Variants in GPR39 observed in about 807,000 individuals in gnomAD.
GPR39 encodes the protein zinc sensing receptor.
A neutral mutation model predicts 18.4 loss-of-function variants in GPR39; 23 were observed. The ratio of observed to expected loss-of-function variants is 1.25; its 90% confidence interval spans 0.90 to 1.77. The LOEUF is 1.77. Ranked by LOEUF, GPR39 falls within the 40% of genes most tolerant of loss-of-function variation. The pLI is 0.00. For synonymous variants in GPR39, 280 were observed against 257.9 expected, an observed-to-expected ratio of 1.09 and a Z score of -0.82; for missense variants, 647 against 602.4, an observed-to-expected ratio of 1.07 and a Z score of -0.78.
At chr2:132,577,765 A>AT (rs999005710) in intron 1 of GPR39, among the ~76,000 whole-genome samples, 43 of 151,938 alleles carry the variant, frequency 2.8e-4, no homozygotes, top group African/African-American at 8.7e-4. Flanking sequence ...CTTATTCTAG[A>AT]TTTTTTTTGG....
intron 1 of GPR39, among the ~76,000 whole-genome samples, chr2:132,542,658 G>A (rs534127666): frequency 2.0e-5 from 3 of 152,256 alleles, no homozygotes; most frequent in African/African-American, 7.2e-5. Flanking sequence ...GGCTAGCCTG[G>A]TGTCCTTTCC....
At chr2:132,459,847 C>A (rs2104776374) in intron 1 of GPR39, among the ~76,000 whole-genome samples, 1 of 152,322 alleles carries the variant, frequency 6.6e-6, no homozygotes, top group Non-Finnish European at 1.5e-5. Flanking sequence ...ATAACTTCAG[C>A]TTTTAGTTGT....
At chr2:132,564,337 C>T (rs1680309016) in intron 1 of GPR39, among the ~76,000 whole-genome samples, 1 of 152,174 alleles carries the variant, frequency 6.6e-6, no homozygotes, top group Non-Finnish European at 1.5e-5. Flanking sequence ...GGCCACCCCT[C>T]CCAGGAAACA....
chr2:132,490,377 C>T (rs1249754868), intron 1 of GPR39, among the ~76,000 whole-genome samples: 2 of 151,958 alleles, frequency 1.3e-5, no homozygotes, highest in Middle Eastern at 3.4e-3. Flanking sequence ...TCAAATCCTG[C>T]TTGTCCTCGG....
chr2:132,429,340 G>A (rs1275088132), intron 1 of GPR39, among the ~76,000 whole-genome samples: 1 of 152,222 alleles, frequency 6.6e-6, no homozygotes, highest in Non-Finnish European at 1.5e-5. Context: ...GTCAGTGTCA[G>A]GGAGGCAAGA....
chr2:132,498,750 A>G (rs2104801701), intron 1 of GPR39, among the ~76,000 whole-genome samples: 1 of 152,116 alleles, frequency 6.6e-6, no homozygotes, highest in East Asian at 1.9e-4. Context: ...TTTTTTGATT[A>G]TGGCCATTCT....
chr2:132,455,489 G>T (rs1438324425), intron 1 of GPR39, among the ~76,000 whole-genome samples: 2 of 152,068 alleles, frequency 1.3e-5, no homozygotes, highest in Non-Finnish European at 2.9e-5. Flanking sequence ...TTTCAGTTCT[G>T]CTCTGATCTT....
At chr2:132,538,092 A>C (rs1456764844) in intron 1 of GPR39, among the ~76,000 whole-genome samples, 1 of 152,088 alleles carries the variant, frequency 6.6e-6, no homozygotes, top group Non-Finnish European at 1.5e-5. Context: ...CCCTTGCTGG[A>C]GAAGTGTTGC....
At chr2:132,539,716 A>G (rs1462103891) in intron 1 of GPR39, among the ~76,000 whole-genome samples, 1 of 152,124 alleles carries the variant, frequency 6.6e-6, no homozygotes, top group East Asian at 1.9e-4. Flanking sequence ...TGGAGTGGCC[A>G]GAGCATCTAC....
intron 1 of GPR39, among the ~76,000 whole-genome samples, chr2:132,639,643 T>C (rs866967569): frequency 1.3e-5 from 2 of 152,178 alleles, no homozygotes; most frequent in Middle Eastern, 3.2e-3. Flanking sequence ...AGATGATAGA[T>C]AGACAGATGG....
At chr2:132,458,986 A>T (rs1026196368) in intron 1 of GPR39, among the ~76,000 whole-genome samples, 4 of 152,216 alleles carry the variant, frequency 2.6e-5, no homozygotes, top group Non-Finnish European at 5.9e-5. Flanking sequence ...CCAAAGAGAC[A>T]TTGTTGACTG....
Position 132,602,418 on chromosome 2 carries a change from G to T in GPR39, c.857-42683G>T, listed in dbSNP as rs1197584413. 3.3e-5 allele frequency among the ~76,000 whole-genome samples: 5 copies of T among 152,152 alleles called. No individual in the cohort carries two copies. The South Asian group carries it at 6.2e-4, about 19-fold the overall frequency. On this transcript the variant is annotated intron_variant, in intron 1 of 1. Transcript: ENST00000329321. ...TGGATAAAGATTTAAATAAATGCAA[G>T]ACCTGAAACTATAAAACTACTAGAA...
At chr2:132,533,536 A>G (rs1462180237) in intron 1 of GPR39, among the ~76,000 whole-genome samples, 1 of 150,742 alleles carries the variant, frequency 6.6e-6, no homozygotes, top group Non-Finnish European at 1.5e-5. Flanking sequence ...CCGCATTGCC[A>G]AGTCAATCCT....
chr2:132,576,196 T>C (rs1040478567), intron 1 of GPR39, among the ~76,000 whole-genome samples: 3 of 152,250 alleles, frequency 2.0e-5, no homozygotes, highest in Admixed American at 6.5e-5. Context: ...TGTTTATATA[T>C]TCTAGGTGTT....
intron 1 of GPR39, among the ~76,000 whole-genome samples, chr2:132,569,398 G>A (rs543567666): frequency 5.3e-5 from 8 of 152,208 alleles, no homozygotes; most frequent in African/African-American, 1.9e-4. Flanking sequence ...CAGCTGATGG[G>A]TTTGATGGAT....
intron 1 of GPR39, among the ~76,000 whole-genome samples, chr2:132,490,964 G>A (rs907501861): frequency 2.0e-5 from 3 of 152,148 alleles, no homozygotes; most frequent in Non-Finnish European, 4.4e-5. Context: ...TACCAGGCCC[G>A]CGAGCTGAAT....
chr2:132,493,214 GTACACCATATA>G (rs1490598929), intron 1 of GPR39, among the ~76,000 whole-genome samples: 23 of 105,422 alleles, frequency 2.2e-4, no homozygotes, highest in African/African-American at 7.7e-4. Context: ...CACCATATAT[GTACACCATATA>G]TACACCATAT....
intron 1 of GPR39, among the ~76,000 whole-genome samples, chr2:132,463,308 C>G (rs11679005): frequency 6.6e-5 from 10 of 152,040 alleles, no homozygotes; most frequent in Non-Finnish European, 8.8e-5. Context: ...GAAAGCAGGG[C>G]TAGGGTTCTC....
intron 1 of GPR39, among the ~76,000 whole-genome samples, chr2:132,569,586 T>G (rs1473871357): frequency 7.0e-6 from 1 of 142,290 alleles, no homozygotes; most frequent in Non-Finnish European, 1.5e-5. Flanking sequence ...TGGAGTCCAG[T>G]GTCACCTAGA....
Sources: allele counts gnomAD v4.1 joint callset (sites outside exome capture counted in the v4.1 genomes callset), GRCh38; gene constraint gnomAD v4.1.1; transcripts MANE v1.5; gene names NCBI Gene and HGNC (gene_info 2026-07-23, HGNC 2026-07-21).